Variants in HSPA12B observed in about 807,000 individuals in gnomAD.
The protein encoded by HSPA12B is heat shock protein family A (Hsp70) member 12B.
Under a neutral mutation model 69.3 loss-of-function variants are expected in HSPA12B, and 54 were observed. That is an observed-to-expected ratio of 0.78 (90% CI 0.63 to 0.98). The LOEUF is 0.98. Among genes scored for constraint, HSPA12B ranks in the 50% least tolerant of loss-of-function variants. The probability of loss-of-function intolerance (pLI) is 0.00; values close to 1 mark genes in which losing one functional copy is unlikely to be tolerated. For missense variants in HSPA12B, 929 were observed against 999.8 expected (o/e 0.93, Z 0.96); for synonymous variants, 441 against 436.5 (o/e 1.01, Z -0.13).
In HSPA12B at chr20:3,738,801, A is replaced by C. The variant is rs952704996; in HGVS notation, c.43+84A>C. 117 of 1,406,268 alleles carry C rather than the reference A, an allele frequency of 8.3e-5. 1 individual carries two copies. The highest frequency in any genetic ancestry group is 3.6e-4 in the Middle Eastern group (2 of 5,608). 87.1% of individuals were successfully genotyped at this position (1,406,268 alleles called of 1,614,324 possible). A position where few individuals can be genotyped will look rare whatever the true frequency, so the allele number is the denominator to read the frequency against. On this transcript the variant is annotated intron_variant, in intron 2 of 12. Coordinates refer to ENST00000254963, the MANE Select transcript of HSPA12B (RefSeq NM_052970.5). ...GACCCACCTACAGGTTGTGCAATGT[A>C]CCTCTCCCACAGAGCTTCCCAACAG... is the stretch of plus-strand genomic sequence containing the variant.
At chr20:3,747,537 G>T (rs2088328176) in intron 7 of HSPA12B, among the ~76,000 whole-genome samples, 1 of 152,136 alleles carries the variant, frequency 6.6e-6, no homozygotes, top group African/African-American at 2.4e-5. Context: ...TCCCCTATCT[G>T]GTCAGAATCT....
chr20:3,734,713 G>T (rs584897), intron 1 of HSPA12B, among the ~76,000 whole-genome samples: 1 of 149,870 alleles, frequency 6.7e-6, no homozygotes, highest in African/African-American at 2.5e-5. Context: ...CGGGGAATCC[G>T]TGGGATCCTC....
Position 3,740,679 on chromosome 20 carries a change from G to C in HSPA12B, c.44-136G>C, listed in dbSNP as rs1235671153. The stretch of plus-strand genomic sequence containing the variant: ...ATGTGTGTCTTTCCTACACCCCGCA[G>C]TCCTCCTCCCCAGCAGAGAGCCCTT... On this transcript the variant is annotated intron_variant, in intron 2 of 12. Coordinates refer to ENST00000254963, the MANE Select transcript of HSPA12B (RefSeq NM_052970.5). The surrounding 1 kb of genome is among the most constrained non-coding windows in gnomAD (Gnocchi z 4.9). 6.8e-5 allele frequency: 48 copies of C among 701,602 alleles called. No individual in the cohort carries two copies. The East Asian group carries it at 1.2e-3, about 18-fold the overall frequency. The allele number at this position is 701,602 out of a possible 1,614,324, so 43.5% of individuals were successfully genotyped here. A position where few individuals can be genotyped will look rare whatever the true frequency, so the allele number is the denominator to read the frequency against.
In HSPA12B at chr20:3,751,988, G is replaced by T; in HGVS notation, c.1883G>T (p.Gly628Val). The change falls in exon 13 of 13, where the codon GGC (glycine) becomes GTC (valine). Residue 628 changes from glycine to valine, a missense_variant. By Grantham distance (109) the Gly-to-Val change is moderately radical. Coordinates refer to ENST00000254963, the MANE Select transcript of HSPA12B (RefSeq NM_052970.5). The stretch of plus-strand genomic sequence containing the variant: ...ACCGACCCCGGCGTGCGCAAATGCG[G>T]CGCGCTCAGCCTCGAGCTTGAGCCC... ...FITDPGVRKCGALSLELEPAD... is the reference protein window; with the variant it reads ...FITDPGVRKCVALSLELEPAD... The T allele has an allele frequency of 6.4e-7, 1 of 1,569,280 alleles. No homozygotes were observed. Among genetic ancestry groups the T allele is most frequent in the Non-Finnish European group, 8.6e-7 (1 of 1,163,400 alleles).
intron 2 of HSPA12B, 142 bp downstream of exon 2, chr20:3,738,859 C>T: frequency 2.4e-5 from 16 of 660,584 alleles, no homozygotes; most frequent in East Asian, 9.0e-5. Context: ...TGTGTGTGTG[C>T]ATGTGTGCAG....
chr20:3,738,248 T>G (rs2088138978), intron 1 of HSPA12B, among the ~76,000 whole-genome samples: 1 of 152,218 alleles, frequency 6.6e-6, no homozygotes, highest in Non-Finnish European at 1.5e-5. Context: ...CTTGCCTGAT[T>G]ATCTCCTCCA....
rs747907413 is a variant in HSPA12B at position 3,751,947 on chromosome 20, G to A, written c.1842G>A (p.Glu614=). 4 of 1,585,666 alleles carry A rather than the reference G, an allele frequency of 2.5e-6. No homozygotes were observed. Among genetic ancestry groups the A allele is most frequent in the Non-Finnish European group, 3.4e-6 (4 of 1,170,998 alleles). Residue 614 remains glutamate (E), a synonymous_variant, in exon 13 of 13, where the codon GAG becomes GAA. Transcript: ENST00000254963. ...VLINLYCCAA[E]DARFITDPGV... ...TCAACCTGTACTGCTGCGCGGCAGA[G>A]GATGCGCGCTTCATCACCGACCCCG...
intron 1 of HSPA12B, among the ~76,000 whole-genome samples, chr20:3,733,218 G>A (rs578157222): frequency 3.5e-4 from 53 of 152,268 alleles, no homozygotes; most frequent in Middle Eastern, 6.8e-3. Flanking sequence ...GTCCCGAAGC[G>A]CAACAGAGTA....
Position 3,740,770 on chromosome 20 carries a change from C to T in HSPA12B, c.44-45C>T. On this transcript the variant is annotated intron_variant, in intron 2 of 12. Transcript: ENST00000254963. The surrounding 1 kb of genome is among the most constrained non-coding windows in gnomAD (Gnocchi z 4.9). ...CCTGGCTTGGGGCCCCGCTGCCATA[C>T]CTACCCTGCTTGTGCCAGGATGAAC... 6.4e-7 allele frequency: 1 copy of T among 1,559,530 alleles called. No individual in the cohort carries two copies. Among genetic ancestry groups the T allele is most frequent in the Non-Finnish European group, 8.8e-7 (1 of 1,137,664 alleles).
At position 3,751,902 on chromosome 20, in the gene HSPA12B, C is replaced by A; in HGVS notation, c.1797C>A (p.Pro599=). ...EVRRSYCPAR[P]GQRRVLINLY... Reference sequence around the variant, plus strand: ...GGCGCAGCTACTGCCCGGCGCGTCCCGGCCAGCGGCGCGTACTCATCAACC... The same window carrying A: ...GGCGCAGCTACTGCCCGGCGCGTCCAGGCCAGCGGCGCGTACTCATCAACC... The change falls in exon 13 of 13, where the codon CCC becomes CCA. Residue 599 remains proline, a synonymous_variant. Transcript: ENST00000254963. 2 of 1,573,308 alleles carry A rather than the reference C, an allele frequency of 1.3e-6. No individual in the cohort carries two copies. The highest frequency in any genetic ancestry group is 1.7e-6 in the Non-Finnish European group (2 of 1,165,170).
intron 11 of HSPA12B, 51 bp from the exon 12 acceptor site, chr20:3,750,753 C>T (rs1170248164): frequency 6.2e-7 from 1 of 1,611,474 alleles, no homozygotes. Context: ...CAAACTGGGG[C>T]AAGCAGCTGG....
intron 1 of HSPA12B, among the ~76,000 whole-genome samples, chr20:3,736,343 G>A (rs1343387924): frequency 6.6e-6 from 1 of 152,228 alleles, no homozygotes; most frequent in Admixed American, 6.5e-5. Flanking sequence ...CAACTCCAAT[G>A]GTACAGAGGA....
chr20:3,749,586 G>A lies in HSPA12B; in HGVS notation c.938-164G>A, dbSNP rs2088371307. On this transcript the variant is annotated intron_variant, in intron 9 of 12. Coordinates refer to ENST00000254963, the MANE Select transcript of HSPA12B (RefSeq NM_052970.5). The surrounding 1 kb of genome is among the most constrained non-coding windows in gnomAD (Gnocchi z 5.5). ...GCCCCACACCCTGCGCCCATATGTG[G>A]TGGTCTGAGGTTCAAGCACCTGAAG... 6.6e-6 allele frequency among the ~76,000 whole-genome samples: 1 copy of A among 152,202 alleles called. No homozygotes were observed. The highest frequency in any genetic ancestry group is 6.5e-5 in the Admixed American group (1 of 15,284).
chr20:3,743,352 T>TA (rs10716070), intron 4 of HSPA12B, among the ~76,000 whole-genome samples: 1 of 147,392 alleles, frequency 6.8e-6, no homozygotes, highest in East Asian at 2.0e-4. Flanking sequence ...CTGGCTAATT[T>TA]AAAAAAAAAA....
intron 4 of HSPA12B, among the ~76,000 whole-genome samples, chr20:3,742,897 G>A (rs975221155): frequency 7.3e-5 from 11 of 150,478 alleles, no homozygotes; most frequent in African/African-American, 1.2e-4. Context: ...TTTTTGAGAC[G>A]GAGTCTCACT....
chr20:3,751,536 G>C lies in HSPA12B; in HGVS notation c.1431G>C (p.Val477=). 6.8e-7 allele frequency: 1 copy of C among 1,471,912 alleles called. No homozygotes were observed. Among genetic ancestry groups the C allele is most frequent in the South Asian group, 1.4e-5 (1 of 72,134 alleles). 91.2% of individuals were successfully genotyped at this position (1,471,912 alleles called of 1,614,324 possible). A position where few individuals can be genotyped will look rare whatever the true frequency, so the allele number is the denominator to read the frequency against. The change falls in exon 13 of 13, where the codon GTG becomes GTC. Residue 477 remains valine, a synonymous_variant. Coordinates refer to ENST00000254963, the MANE Select transcript of HSPA12B (RefSeq NM_052970.5). ...HIEALLARPE[V]QGVKLLFLVG... The stretch of plus-strand genomic sequence containing the variant: ...AGGCCCTGCTGGCACGGCCGGAGGT[G>C]CAGGGTGTGAAGCTGCTGTTCCTAG...
At chr20:3,734,143 A>C (rs543354786) in intron 1 of HSPA12B, among the ~76,000 whole-genome samples, 1 of 152,176 alleles carries the variant, frequency 6.6e-6, no homozygotes, top group Non-Finnish European at 1.5e-5. Context: ...ACTCCAGCCT[A>C]GGCAACAGAG....
At chr20:3,733,437 G>A (rs2146547122) in intron 1 of HSPA12B, among the ~76,000 whole-genome samples, 1 of 152,292 alleles carries the variant, frequency 6.6e-6, no homozygotes, top group Non-Finnish European at 1.5e-5. Context: ...CCAGGCCAGA[G>A]GGGTAATGGG....
At position 3,738,665 on chromosome 20, in the gene HSPA12B, G is replaced by A. The variant is rs1307496944; in HGVS notation, c.-10G>A. ...GTCTGTTCCTGTTGACAGCTACAGG[G>A]CCTGCAAGGATGTTGGCTGTCCCGG... On this transcript the variant is annotated 5_prime_UTR_variant, in exon 2 of 13. Coordinates refer to ENST00000254963, the MANE Select transcript of HSPA12B (RefSeq NM_052970.5). 6.2e-7 allele frequency: 1 copy of A among 1,614,092 alleles called. No individual in the cohort carries two copies. The highest frequency in any genetic ancestry group is 1.3e-5 in the African/African-American group (1 of 75,052).
Sources: allele counts gnomAD v4.1 joint callset (sites outside exome capture counted in the v4.1 genomes callset), GRCh38; gene constraint gnomAD v4.1.1; non-coding constraint Gnocchi (gnomAD v3.1); transcripts MANE v1.5; gene names NCBI Gene and HGNC (gene_info 2026-07-23, HGNC 2026-07-21).